The following CACNA1G variants were observed in gnomAD, a reference collection of about 807,000 sequenced individuals.
CACNA1G encodes voltage-dependent T-type calcium channel subunit alpha-1G.
Under a neutral mutation model 219.4 loss-of-function variants are expected in CACNA1G, and 67 were observed. The ratio of observed to expected loss-of-function variants is 0.31; its 90% CI spans 0.25 to 0.37. The LOEUF (loss-of-function observed/expected upper bound fraction) is 0.37, where lower values mean the gene tolerates loss of function less well. Ranked by LOEUF, CACNA1G falls within the 10% of genes least tolerant of loss-of-function variation. The pLI, the probability that CACNA1G is intolerant of heterozygous loss-of-function variation, is 1.00. For synonymous variants in CACNA1G, 1,296 were observed against 1,345.3 expected, an observed-to-expected ratio of 0.96 and a Z score of 0.80; for missense variants, 2,380 against 3,231.4, an observed-to-expected ratio of 0.74 and a Z score of 6.39.
Position 50,621,767 on chromosome 17 carries a change from A to C in CACNA1G, c.6033A>C (p.Thr2011=). ...ACTCTTTGCCTGATGACATGCACAC[A>C]CTCTTACTTAGTGCCCTGGAGAGCA... is the stretch of plus-strand genomic sequence containing the variant. ...TDDSLPDDMH[T]LLLSALESNM... Residue 2011 remains threonine, a synonymous_variant, in exon 35 of 38, where the codon ACA becomes ACC. Transcript: ENST00000359106. This position sits in a 1 kb window ranked among gnomAD's most constrained non-coding sequence, Gnocchi z 4.6. 1.9e-6 allele frequency: 3 copies of C among 1,613,538 alleles called. No homozygotes were observed. Among genetic ancestry groups the C allele is most frequent in the Non-Finnish European group, 2.5e-6 (3 of 1,179,782 alleles).
chr17:50,576,049 C>G lies in CACNA1G; in HGVS notation c.1647C>G (p.Gly549=). ...CCCTCTCCGGGGCCCCCCCTGGTGG[C>G]GCAGAGTCTGTGCACAGCTTCTACC... ...TPALSGAPPG[G]AESVHSFYHA... Residue 549 remains glycine, a synonymous_variant, in exon 8 of 38, where the codon GGC becomes GGG. Transcript: ENST00000359106. The G allele has an allele frequency of 6.3e-7, 1 of 1,576,658 alleles. No homozygotes were observed.
Position 50,600,624 on chromosome 17 carries a change from G to T in CACNA1G, c.3691-102G>T. 1 of 942,454 alleles carries T rather than the reference G, an allele frequency of 1.1e-6. No individual in the cohort carries two copies. Among genetic ancestry groups the T allele is most frequent in the South Asian group, 1.4e-5 (1 of 69,958 alleles). The allele number at this position is 942,454 out of a possible 1,614,324, so 58.4% of individuals were successfully genotyped here. On this transcript the variant is annotated intron_variant, in intron 17 of 37. Coordinates refer to ENST00000359106, the MANE Select transcript of CACNA1G (RefSeq NM_018896.5). The surrounding 1 kb of genome is among the most constrained non-coding windows in gnomAD (Gnocchi z 4.1). Reference sequence around the variant, plus strand: ...AGGGCAGAGCTTGGGCCCCAGGTGGGAGAGGGTAGACAAGGAGTGAGGCTC... The same window carrying T: ...AGGGCAGAGCTTGGGCCCCAGGTGGTAGAGGGTAGACAAGGAGTGAGGCTC...
At chr17:50,594,862 G>C in intron 13 of CACNA1G, 131 bp from the exon 14 acceptor site, 1 of 624,390 alleles carries the variant, frequency 1.6e-6, no homozygotes, top group Non-Finnish European at 2.9e-6. Context: ...CCCATTCCCC[G>C]TGTCTCTCAG....
At position 50,576,015 on chromosome 17, in the gene CACNA1G, C is replaced by T. The variant is rs1207803861; in HGVS notation, c.1613C>T (p.Ser538Leu). The part of the protein sequence containing the change: ...GSRRLMLPPP[S>L]TPALSGAPPG... ...CGCCGGCTCATGCTGCCACCACCCT[C>T]GACGCCTGCCCTCTCCGGGGCCCCC... Residue 538 changes from serine to leucine, a missense_variant, in exon 8 of 38, where the codon TCG becomes TTG. Around this residue, in one of 17 missense-constraint regions of CACNA1G, gnomAD observed 434 missense variants for 417.3 expected, o/e 1.04. Transcript: ENST00000359106. 6.4e-6 allele frequency: 10 copies of T among 1,560,576 alleles called. No individual in the cohort carries two copies. The highest frequency in any genetic ancestry group is 2.4e-5 in the East Asian group (1 of 41,470).
In CACNA1G at chr17:50,603,081, G is replaced by A; in HGVS notation, c.4051G>A (p.Gly1351Arg). Residue 1351 changes from glycine (G) to arginine (R), a missense_variant, in exon 21 of 38, where the codon GGG (glycine) becomes AGG (arginine). Gly to Arg is a moderately radical substitution (Grantham distance 125, BLOSUM62 -2). Coordinates refer to ENST00000359106, the MANE Select transcript of CACNA1G (RefSeq NM_018896.5). This position sits in a 1 kb window ranked among gnomAD's most constrained non-coding sequence, Gnocchi z 6.4. Reference sequence around the variant, plus strand: ...GCGGAGCAGTTGGAACGTGCTGGACGGGCTGTTGGTGCTCATCTCCGTCAT... The same window carrying A: ...GCGGAGCAGTTGGAACGTGCTGGACAGGCTGTTGGTGCTCATCTCCGTCAT... ...YLRSSWNVLDGLLVLISVIDI... is the reference protein window; with the variant it reads ...YLRSSWNVLDRLLVLISVIDI... 6.2e-7 allele frequency: 1 copy of A among 1,613,576 alleles called. No homozygotes were observed. Among genetic ancestry groups the A allele is most frequent in the Non-Finnish European group, 8.5e-7 (1 of 1,179,768 alleles).
At chr17:50,613,170 T>C (rs2049621029) in intron 26 of CACNA1G, among the ~76,000 whole-genome samples, 2 of 152,224 alleles carry the variant, frequency 1.3e-5, no homozygotes, top group South Asian at 4.1e-4. Flanking sequence ...CGGTCATGCC[T>C]CGTAGCTAGC....
Position 50,600,863 on chromosome 17 carries a change from C to A in CACNA1G, c.3791+37C>A. On this transcript the variant is annotated intron_variant, in intron 18 of 37. Coordinates refer to ENST00000359106, the MANE Select transcript of CACNA1G (RefSeq NM_018896.5). This position sits in a 1 kb window ranked among gnomAD's most constrained non-coding sequence, Gnocchi z 4.1. ...GGCAGGGGTCTGACCTGTGTCCCGA[C>A]CTCTTCTTCTCACGGGAAATTACCG... The A allele has an allele frequency of 6.3e-7, 1 of 1,588,932 alleles. No individual in the cohort carries two copies. The highest frequency in any genetic ancestry group is 1.1e-5 in the South Asian group (1 of 90,556).
At position 50,596,766 on chromosome 17, in the gene CACNA1G, G is replaced by A; in HGVS notation, c.3101G>A (p.Ser1034Asn). The A allele has an allele frequency of 1.9e-6, 3 of 1,612,640 alleles. No homozygotes were observed. The South Asian group carries it at 3.3e-5, about 18-fold the overall frequency. The stretch of plus-strand genomic sequence containing the variant: ...GGAGAGCACCCGGAGCTGCGGAAGA[G>A]CCTGCTGCCGCCTCTCATCATCCAC... ...SLGEHPELRK[S>N]LLPPLIIHTA... The change falls in exon 16 of 38, where the codon AGC becomes AAC. Residue 1034 changes from serine to asparagine, a missense_variant. Ser to Asn is a conservative substitution (Grantham distance 46, BLOSUM62 1). Transcript: ENST00000359106. The surrounding 1 kb of genome is among the most constrained non-coding windows in gnomAD (Gnocchi z 4.8).
intron 35 of CACNA1G, among the ~76,000 whole-genome samples, chr17:50,623,486 C>G (rs1256744401): frequency 1.3e-5 from 2 of 151,786 alleles, no homozygotes; most frequent in African/African-American, 4.8e-5. Flanking sequence ...CTGTGGACAC[C>G]GGGACTCCCT....
At position 50,572,932 on chromosome 17, in the gene CACNA1G, C is replaced by T. The variant is rs1480290893; in HGVS notation, c.1047+78C>T. On this transcript the variant is annotated intron_variant, in intron 6 of 37. Coordinates refer to ENST00000359106, the MANE Select transcript of CACNA1G (RefSeq NM_018896.5). ...AGCCCAGGATCGGAGTGGTCGCTCT[C>T]AGGGTTGGGGTGGGGGTCAAGGCCT... is the stretch of plus-strand genomic sequence containing the variant. The T allele has an allele frequency of 7.0e-6, 11 of 1,576,404 alleles. 1 individual carries two copies. The highest frequency in any genetic ancestry group is 3.4e-4 in the Middle Eastern group (2 of 5,922).
At chr17:50,563,483 A>T (rs2144319093) in intron 1 of CACNA1G, among the ~76,000 whole-genome samples, 1 of 152,260 alleles carries the variant, frequency 6.6e-6, no homozygotes, top group Admixed American at 6.5e-5. Flanking sequence ...ATCAACCTCT[A>T]TGTCCTCCTT....
Position 50,615,524 on chromosome 17 carries a change from T to G in CACNA1G, c.4911+12T>G. ...ACCAGCAGCCCCAGGTAGGAGCGAG[T>G]GGACCAGCCATCTGGCCCCCCCACC... On this transcript the variant is annotated intron_variant, in intron 27 of 37. Coordinates refer to ENST00000359106, the MANE Select transcript of CACNA1G (RefSeq NM_018896.5). 6.2e-7 allele frequency: 1 copy of G among 1,610,678 alleles called. No homozygotes were observed. The highest frequency in any genetic ancestry group is 8.5e-7 in the Non-Finnish European group (1 of 1,177,742).
rs2046384651 is a variant in CACNA1G, at chr17:50,600,426, C to G, written c.3691-300C>G. ...CTGCTTCCCAGCTCAGCAGGGAGGA[C>G]AGGCAGGGGGCTGGGCTGGAGGCAG... On this transcript the variant is annotated intron_variant, in intron 17 of 37. Transcript: ENST00000359106. This position sits in a 1 kb window ranked among gnomAD's most constrained non-coding sequence, Gnocchi z 4.1. Among the ~76,000 whole-genome samples the G allele has an allele frequency of 6.6e-6, 1 of 151,230 alleles. No individual in the cohort carries two copies. Among genetic ancestry groups the G allele is most frequent in the African/African-American group, 2.4e-5 (1 of 41,044 alleles).
chr17:50,626,538 C>T lies in CACNA1G; in HGVS notation c.6921C>T (p.Ser2307=). 1 of 1,574,778 alleles carries T rather than the reference C, an allele frequency of 6.4e-7. No individual in the cohort carries two copies. Among genetic ancestry groups the T allele is most frequent in the Non-Finnish European group, 8.6e-7 (1 of 1,162,510 alleles). The change falls in exon 38 of 38, where the codon AGC becomes AGT. Residue 2307 remains serine, a synonymous_variant. Transcript: ENST00000359106. This position sits in a 1 kb window ranked among gnomAD's most constrained non-coding sequence, Gnocchi z 4.3. ...GPGSRPKKKL[S]PPSITIDPPE... The stretch of plus-strand genomic sequence containing the variant: ...GGAGCCGGCCCAAGAAAAAACTCAG[C>T]CCGCCTAGTATCACCATAGACCCCC...
intron 13 of CACNA1G, 110 bp downstream of exon 13, chr17:50,592,202 C>T: frequency 1.7e-6 from 2 of 1,198,204 alleles, no homozygotes; most frequent in South Asian, 1.5e-5. Context: ...CCTGGGAAGT[C>T]CCACAGGAAG....
intron 9 of CACNA1G, among the ~76,000 whole-genome samples, chr17:50,583,145 G>T (rs2042294362): frequency 6.6e-6 from 1 of 152,146 alleles, no homozygotes; most frequent in African/African-American, 2.4e-5. Context: ...TGAGGGCAAA[G>T]GTTGATGGAC....
rs187087234 is a variant in CACNA1G, at chr17:50,596,513, C to A, written c.2980-49C>A. ...AGAGGGAGGCCCGGTCCATCCCAAC[C>A]ACCCAAGCCTGGCCGGATCCCTAAT... On this transcript the variant is annotated intron_variant, in intron 14 of 37. Transcript: ENST00000359106. This position sits in a 1 kb window ranked among gnomAD's most constrained non-coding sequence, Gnocchi z 4.8. 1.4e-4 allele frequency: 206 copies of A among 1,525,460 alleles called. 1 individual carries two copies. The African/African-American group carries it at 2.5e-3, about 19-fold the overall frequency. The allele number at this position is 1,525,460 out of a possible 1,614,324, so 94.5% of individuals were successfully genotyped here.
intron 26 of CACNA1G, among the ~76,000 whole-genome samples, chr17:50,610,295 G>T (rs1481010819): frequency 6.6e-6 from 1 of 152,202 alleles, no homozygotes; most frequent in Non-Finnish European, 1.5e-5. Context: ...TTGTCTGAGG[G>T]GAGACTTTGA....
Position 50,578,146 on chromosome 17 carries a change from T to C in CACNA1G, c.1925-42T>C. Reference sequence around the variant, plus strand: ...ACTCACAGGGCAGGGTAGCCCCAGGTACGAGACTCTGGAGCCTCTCACCTC... The same window carrying C: ...ACTCACAGGGCAGGGTAGCCCCAGGCACGAGACTCTGGAGCCTCTCACCTC... On this transcript the variant is annotated intron_variant, in intron 8 of 37. Transcript: ENST00000359106. This position sits in a 1 kb window ranked among gnomAD's most constrained non-coding sequence, Gnocchi z 4.5. The C allele has an allele frequency of 6.6e-7, 1 of 1,506,814 alleles. No individual in the cohort carries two copies. The allele number at this position is 1,506,814 out of a possible 1,614,324, so 93.3% of individuals were successfully genotyped here.
Sources: gnomAD v4.1 joint callset for allele counts (sites outside exome capture counted in the v4.1 genomes callset) on GRCh38, gnomAD v4.1.1 for gene constraint, gnomAD v4.1.1 regional missense constraint, Gnocchi (gnomAD v3.1) non-coding constraint, MANE v1.5 for transcripts, NCBI Gene and HGNC (gene_info 2026-07-23, HGNC 2026-07-21) for gene names.